SUSD1: variants seen among roughly 807,000 people sequenced by gnomAD.
SUSD1 encodes sushi domain containing 1.
SUSD1 carries 65 observed loss-of-function variants against 86.9 expected under a neutral mutation model. The observed-to-expected ratio is 0.75, with a 90% CI of 0.61 to 0.92. SUSD1 has a LOEUF of 0.92. SUSD1 is among the 40% of genes least tolerant of loss of function. The pLI is 0.00. For missense variants in SUSD1, 850 were observed against 929.7 expected (o/e 0.91, Z 1.11); for synonymous variants, 346 against 350.0 (o/e 0.99, Z 0.13).
At chr9:112,056,728 G>GTGTT (rs1828468679) in intron 14 of SUSD1, among the ~76,000 whole-genome samples, 1 of 151,574 alleles carries the variant, frequency 6.6e-6, no homozygotes, top group South Asian at 2.1e-4. Flanking sequence ...GTGTGTGTGT[G>GTGTT]TGTGTGTGAG....
chr9:112,101,393 A>T (rs945782780), intron 9 of SUSD1, among the ~76,000 whole-genome samples: 1 of 152,122 alleles, frequency 6.6e-6, no homozygotes, highest in Non-Finnish European at 1.5e-5. Context: ...TTAATGTAAT[A>T]CTTACTGAGT....
intron 5 of SUSD1, among the ~76,000 whole-genome samples, chr9:112,126,081 A>G (rs1175360830): frequency 6.6e-6 from 1 of 152,266 alleles, no homozygotes; most frequent in Non-Finnish European, 1.5e-5. Flanking sequence ...AGGCATTCCA[A>G]GAATGAATAT....
intron 10 of SUSD1, among the ~76,000 whole-genome samples, chr9:112,096,355 C>T (rs962637924): frequency 6.6e-6 from 1 of 152,164 alleles, no homozygotes; most frequent in African/African-American, 2.4e-5. Flanking sequence ...ATTTGCCAGT[C>T]TCCTATACAC....
chr9:112,168,208 AC>A (rs1335560046), intron 1 of SUSD1, among the ~76,000 whole-genome samples: 3 of 152,240 alleles, frequency 2.0e-5, no homozygotes, highest in African/African-American at 7.2e-5. Context: ...AAAAGAAGGT[AC>A]TAACACTGGT....
At chr9:112,041,604 A>G (rs1247247364) in intron 16 of SUSD1, 112 bp from the exon 17 acceptor site, 5 of 748,268 alleles carry the variant, frequency 6.7e-6, no homozygotes, top group Non-Finnish European at 1.2e-5. Flanking sequence ...GGCGAGGGGG[A>G]GCAGCATGGA....
intron 6 of SUSD1, among the ~76,000 whole-genome samples, chr9:112,121,212 T>G (rs374438787): frequency 6.6e-6 from 1 of 152,172 alleles, no homozygotes; most frequent in African/African-American, 2.4e-5. Flanking sequence ...TGGGTTCTTA[T>G]CCAGCTCTAC....
chr9:112,147,553 A>G (rs991207103), intron 3 of SUSD1, among the ~76,000 whole-genome samples: 13 of 151,444 alleles, frequency 8.6e-5, no homozygotes, highest in African/African-American at 3.2e-4. Context: ...GGCAGATCAC[A>G]ATGTCAAGAG....
intron 12 of SUSD1, among the ~76,000 whole-genome samples, chr9:112,073,200 G>A (rs1287915166): frequency 1.3e-5 from 2 of 152,208 alleles, no homozygotes; most frequent in East Asian, 1.9e-4. Context: ...TGTGTTTTCT[G>A]TTGTTTTCCT....
intron 12 of SUSD1, among the ~76,000 whole-genome samples, chr9:112,064,507 C>G (rs551253943): frequency 6.6e-6 from 1 of 152,304 alleles, no homozygotes; most frequent in East Asian, 1.9e-4. Context: ...GGCTGGGGAC[C>G]ACTGCATTAT....
rs140840746 is a variant in SUSD1 at position 112,156,666 on chromosome 9, C to G, written c.217+834G>C. Among the ~76,000 whole-genome samples the G allele has an allele frequency of 8.8e-4, 134 of 152,238 alleles. No homozygotes were observed. In the East Asian group the frequency reaches 0.025, roughly 28 times the overall value. ...CCTCAAGTGATCCTCCCACCTCAGC[C>G]TCCAGAATAGCTGGGATTACAAGAT... On this transcript the variant is annotated intron_variant, in intron 2 of 16. Transcript: ENST00000374270.
At chr9:112,107,392 T>G (rs1830897171) in intron 8 of SUSD1, among the ~76,000 whole-genome samples, 1 of 151,830 alleles carries the variant, frequency 6.6e-6, no homozygotes, top group African/African-American at 2.4e-5. Context: ...AAGGTTTCAG[T>G]GAGCCAAGAT....
intron 14 of SUSD1, among the ~76,000 whole-genome samples, chr9:112,056,545 T>C (rs911255938): frequency 1.3e-5 from 2 of 152,210 alleles, no homozygotes; most frequent in African/African-American, 4.8e-5. Flanking sequence ...TTGAAACCCA[T>C]GGGAAAGTCA....
chr9:112,098,507 C>A lies in SUSD1; in HGVS notation c.1437G>T (p.Arg479=), dbSNP rs200834005. The A allele has an allele frequency of 2.5e-6, 4 of 1,614,122 alleles. No individual in the cohort carries two copies. Among genetic ancestry groups the A allele is most frequent in the Middle Eastern group, 3.3e-4 (2 of 6,062 alleles). ...TTGCTATTGTTATTTGCACTGAGTG[C>A]CGCTTAGGAGATCTCAGCAGGGTCA... The part of the protein sequence containing the change: ...VNVTLLRSPK[R]HSVQITIATP... Residue 479 remains arginine (R), a synonymous_variant, in exon 10 of 17, where the codon CGG becomes CGT. Coordinates refer to ENST00000374270, the MANE Select transcript of SUSD1 (RefSeq NM_022486.5).
intron 1 of SUSD1, among the ~76,000 whole-genome samples, chr9:112,161,022 A>G (rs146009767): frequency 4.8e-4 from 73 of 152,324 alleles, no homozygotes; most frequent in African/African-American, 1.7e-3. Context: ...AACCATCTTA[A>G]CACATTAACA....
chr9:112,133,133 GT>G (rs778308356), intron 5 of SUSD1, among the ~76,000 whole-genome samples: 8 of 152,112 alleles, frequency 5.3e-5, no homozygotes, highest in Non-Finnish European at 1.0e-4. Flanking sequence ...AAAACAAATT[GT>G]TTTAGTTAGC....
chr9:112,156,833 G>T (rs1449191115), intron 2 of SUSD1, among the ~76,000 whole-genome samples: 1 of 152,154 alleles, frequency 6.6e-6, no homozygotes, highest in East Asian at 1.9e-4. Context: ...AAGGTTGCTG[G>T]GAGGAAATTG....
intron 8 of SUSD1, among the ~76,000 whole-genome samples, chr9:112,110,998 G>GT (rs35991531): frequency 1.7e-4 from 25 of 151,380 alleles, no homozygotes; most frequent in Non-Finnish European, 3.0e-4. Context: ...GTTTTTTTGG[G>GT]TTTTTTTTGA....
At chr9:112,152,751 C>CTTTTTTTTTTTT (rs71382410) in intron 2 of SUSD1, among the ~76,000 whole-genome samples, 14 of 87,492 alleles carry the variant, frequency 1.6e-4, no homozygotes, top group African/African-American at 2.0e-4. Flanking sequence ...TTTTTTTAAT[C>CTTTTTTTTTTTT]TTTTTTTTTT....
chr9:112,042,276 T>A, intron 15 of SUSD1: 1 of 874,246 alleles, frequency 1.1e-6, no homozygotes, highest in Non-Finnish European at 1.7e-6. Flanking sequence ...GTTGGTCCTC[T>A]CACAATCAAT....
Sources: allele counts gnomAD v4.1 joint callset (sites outside exome capture counted in the v4.1 genomes callset), GRCh38; gene constraint gnomAD v4.1.1; transcripts MANE v1.5; gene names NCBI Gene and HGNC (gene_info 2026-07-23, HGNC 2026-07-21).